Variants in SLC5A10 observed in about 807,000 individuals in gnomAD.
SLC5A10 encodes the protein solute carrier family 5 member 10.
In SLC5A10, 55 loss-of-function variants were observed where a neutral mutation model predicts 68.9. That is an observed-to-expected ratio of 0.80 (90% CI 0.64 to 1.00). The LOEUF is 1.00. SLC5A10 is among the 50% of genes least tolerant of loss of function. SLC5A10 has a pLI of 0.00. For synonymous variants in SLC5A10, 344 were observed against 344.8 expected (o/e 1.00, Z 0.02); for missense variants, 732 against 819.3 (o/e 0.89, Z 1.30).
intron 9 of SLC5A10, among the ~76,000 whole-genome samples, chr17:19,008,450 T>G: frequency 6.6e-6 from 1 of 152,114 alleles, no homozygotes; most frequent in East Asian, 1.9e-4. Context: ...TTTTGGCCTA[T>G]AGATGTTCTC....
chr17:18,964,484 G>A (rs1246705372), intron 5 of SLC5A10, among the ~76,000 whole-genome samples: 1 of 152,202 alleles, frequency 6.6e-6, no homozygotes, highest in Admixed American at 6.5e-5. Context: ...GCCAGGCCCT[G>A]GGTGAGCCCC....
chr17:18,980,628 G>A (rs957840161), intron 9 of SLC5A10, among the ~76,000 whole-genome samples: 1 of 152,196 alleles, frequency 6.6e-6, no homozygotes, highest in African/African-American at 2.4e-5. Context: ...CTGTGAGGGA[G>A]GAGCAGATGG....
At chr17:19,001,205 G>A (rs1334911425) in intron 9 of SLC5A10, among the ~76,000 whole-genome samples, 1 of 152,232 alleles carries the variant, frequency 6.6e-6, no homozygotes, top group Non-Finnish European at 1.5e-5. Flanking sequence ...ACACAAGCCT[G>A]GGCCACAGGT....
At chr17:18,969,599 G>T in intron 7 of SLC5A10, 177 bp downstream of exon 7, 1 of 591,528 alleles carries the variant, frequency 1.7e-6, no homozygotes, top group Non-Finnish European at 2.9e-6. Context: ...TGGCCCCTCA[G>T]GGACTGCCCT....
chr17:18,984,431 C>T (rs2043216721), intron 9 of SLC5A10, among the ~76,000 whole-genome samples: 1 of 152,206 alleles, frequency 6.6e-6, no homozygotes, highest in Non-Finnish European at 1.5e-5. Flanking sequence ...CCAGGCATCC[C>T]CGGGGAACGG....
rs141422354 is a variant in SLC5A10 at position 18,985,395 on chromosome 17, A to T, written c.982+8406A>T. On this transcript the variant is annotated intron_variant, in intron 9 of 14. Coordinates refer to ENST00000395645, the MANE Select transcript of SLC5A10 (RefSeq NM_001042450.4). Reference sequence around the variant, plus strand: ...GGTATCACCCCCAAACTGGCACCTGACACCCCAAGGTCAAAAGGATGACCC... The same window carrying T: ...GGTATCACCCCCAAACTGGCACCTGTCACCCCAAGGTCAAAAGGATGACCC... Among the ~76,000 whole-genome samples, 8 of 152,290 alleles carry T rather than the reference A, an allele frequency of 5.3e-5. No homozygotes were observed. The East Asian group carries it at 1.5e-3, about 29-fold the overall frequency.
At chr17:18,973,666 G>A (rs1215194735) in intron 8 of SLC5A10, among the ~76,000 whole-genome samples, 1 of 152,148 alleles carries the variant, frequency 6.6e-6, no homozygotes, top group Non-Finnish European at 1.5e-5. Flanking sequence ...AGTCAGAAGG[G>A]AGGTAGCAGT....
intron 8 of SLC5A10, among the ~76,000 whole-genome samples, chr17:18,975,047 C>T (rs1279259487): frequency 1.3e-5 from 2 of 152,180 alleles, no homozygotes; most frequent in African/African-American, 4.8e-5. Context: ...TGTCCCAGGG[C>T]CAGCTGACAT....
chr17:18,966,925 C>T (rs542651242), intron 5 of SLC5A10, among the ~76,000 whole-genome samples: 209 of 152,148 alleles, frequency 1.4e-3, no homozygotes, highest in Admixed American at 3.7e-3. Context: ...GCTTTGTGTG[C>T]TCCACACCCA....
intron 8 of SLC5A10, among the ~76,000 whole-genome samples, chr17:18,972,969 G>T (rs1446548641): frequency 2.0e-5 from 3 of 152,222 alleles, no homozygotes; most frequent in African/African-American, 7.2e-5. Flanking sequence ...CCTCAAGCAG[G>T]GCCCCTCATG....
chr17:18,988,174 A>G (rs1026763686), intron 9 of SLC5A10: 58 of 1,561,396 alleles, frequency 3.7e-5, no homozygotes, highest in Non-Finnish European at 4.8e-5. Context: ...GCAGGCAGGT[A>G]CTCGAAGTGT....
intron 6 of SLC5A10, 39 bp from the exon 7 acceptor site, chr17:18,969,303 G>A (rs780554980): frequency 3.7e-6 from 6 of 1,606,238 alleles, no homozygotes; most frequent in South Asian, 1.1e-5. Context: ...TCCTCCCTGG[G>A]GCCAGGGCCC....
chr17:18,993,707 A>T (rs2043490997), intron 9 of SLC5A10, among the ~76,000 whole-genome samples: 1 of 152,098 alleles, frequency 6.6e-6, no homozygotes, highest in Non-Finnish European at 1.5e-5. Context: ...GGGTGGACAG[A>T]GTCTCTCATC....
intron 9 of SLC5A10, among the ~76,000 whole-genome samples, chr17:19,010,673 G>T (rs765140911): frequency 6.6e-6 from 1 of 151,922 alleles, no homozygotes; most frequent in Non-Finnish European, 1.5e-5. Context: ...TGGCTGCAAC[G>T]CCTCACCTGT....
chr17:18,952,107 G>C (rs1318851885), upstream of SLC5A10: 8 of 1,496,144 alleles, frequency 5.3e-6, no homozygotes, highest in South Asian at 1.3e-5. Context: ...CTGTCCGCTT[G>C]GTTTAATGAT....
chr17:19,014,611 G>A (rs1157056468), intron 10 of SLC5A10, among the ~76,000 whole-genome samples: 5 of 152,158 alleles, frequency 3.3e-5, no homozygotes, highest in African/African-American at 1.2e-4. Context: ...TCCTGCCGCT[G>A]GCCTGCTGTG....
intron 9 of SLC5A10, among the ~76,000 whole-genome samples, chr17:18,991,217 G>A (rs955363735): frequency 4.6e-5 from 7 of 152,174 alleles, no homozygotes; most frequent in Non-Finnish European, 8.8e-5. Flanking sequence ...AGCCCAGGAC[G>A]GGGCCTGGTT....
In SLC5A10 at chr17:18,960,665, C is replaced by T. The variant is rs771664719; in HGVS notation, c.453+13C>T. 1.4e-5 allele frequency: 22 copies of T among 1,611,414 alleles called. No individual in the cohort carries two copies. The highest frequency in any genetic ancestry group is 5.0e-5 in the Admixed American group (3 of 59,988). On this transcript the variant is annotated intron_variant, in intron 5 of 14. Transcript: ENST00000395645. ...CACCAAGATATCGGTGAGCTGCCCC[C>T]GGCTCCCTGCTGGCATAGCCTGGAA...
chr17:18,951,350 C>T (rs1234006090), upstream of SLC5A10, among the ~76,000 whole-genome samples: 1 of 146,998 alleles, frequency 6.8e-6, no homozygotes, highest in Non-Finnish European at 1.5e-5. Context: ...TCAATGGCTG[C>T]GTAATGGCGG....
Sources: gnomAD v4.1 joint callset for allele counts (sites outside exome capture counted in the v4.1 genomes callset) on GRCh38, gnomAD v4.1.1 for gene constraint, MANE v1.5 for transcripts, NCBI Gene and HGNC (gene_info 2026-07-23, HGNC 2026-07-21) for gene names.